Variants in ARHGEF17 observed in about 807,000 individuals in gnomAD.
The protein encoded by ARHGEF17 is Rho guanine nucleotide exchange factor 17.
In ARHGEF17, 80 loss-of-function variants were observed where a neutral mutation model predicts 174.0. The ratio of observed to expected loss-of-function variants is 0.46; its 90% CI spans 0.38 to 0.55. The LOEUF (loss-of-function observed/expected upper bound fraction) is 0.55. Ranked by LOEUF, ARHGEF17 falls within the 20% of genes least tolerant of loss-of-function variation. ARHGEF17 has a pLI of 0.00. For synonymous variants in ARHGEF17, 1,311 were observed against 1,189.1 expected (o/e 1.10, Z -2.11); for missense variants, 2,886 against 2,839.7 (o/e 1.02, Z -0.37).
At chr11:73,336,754 G>A (rs938241750) in intron 1 of ARHGEF17, among the ~76,000 whole-genome samples, 2 of 152,188 alleles carry the variant, frequency 1.3e-5, no homozygotes, top group Non-Finnish European at 2.9e-5. Flanking sequence ...TCCTCAGCTA[G>A]GCACTTCTCA....
intron 1 of ARHGEF17, among the ~76,000 whole-genome samples, chr11:73,315,633 C>T (rs2017066): frequency 0.13 from 19,812 of 152,108 alleles, 1,608 homozygotes; most frequent in African/African-American, 0.23. Context: ...AATTAAATGT[C>T]TTGTCACCCA....
At chr11:73,362,016 C>T (rs762963774) in intron 12 of ARHGEF17, 24 bp from the exon 13 acceptor site, 558 of 1,605,750 alleles carry the variant, frequency 3.5e-4, no homozygotes, top group Admixed American at 6.9e-4. Flanking sequence ...TTCACCTTCT[C>T]CTGTCCATTG....
In ARHGEF17 at chr11:73,349,539, C is replaced by T. The variant is rs187602153; in HGVS notation, c.3270+2579C>T. ...GCTGAGGCAGGAGAATAGCTTGAACCCGGGAGGCAGAGGTTGCAGCGAGCC... is the reference window on the plus strand; with the variant it reads ...GCTGAGGCAGGAGAATAGCTTGAACTCGGGAGGCAGAGGTTGCAGCGAGCC... On this transcript the variant is annotated intron_variant, in intron 2 of 20. Transcript: ENST00000263674. Among the ~76,000 whole-genome samples the T allele has an allele frequency of 6.1e-3, 924 of 152,276 alleles. 9 individuals are homozygous for T. Among genetic ancestry groups the T allele is most frequent in the Middle Eastern group, 0.027 (8 of 294 alleles).
intron 1 of ARHGEF17, among the ~76,000 whole-genome samples, chr11:73,318,387 A>G (rs1864963361): frequency 6.6e-6 from 1 of 152,168 alleles, no homozygotes; most frequent in African/African-American, 2.4e-5. Flanking sequence ...CTGTAATCCC[A>G]GCACTTTGGG....
rs1486001346 is a variant in ARHGEF17 at position 73,362,239 on chromosome 11, G to A, written c.4694G>A (p.Arg1565Gln). The part of the protein sequence containing the change: ...AVPGLQPRCH[R>Q]EPPPSLRSPP... ...CCCGGGCTGCAGCCTCGCTGCCACC[G>A]GTGAGGCCTGGGCGGCGGGGTGGGC... The change falls in exon 13 of 21, where the codon CGG becomes CAG. Residue 1565 changes from arginine to glutamine, a missense_variant and splice_region_variant. Arg to Gln is a conservative substitution (Grantham distance 43). This residue lies in a region of ARHGEF17 where 476 missense variants were observed against 473.1 expected (regional missense o/e 1.01). Coordinates refer to ENST00000263674, the MANE Select transcript of ARHGEF17 (RefSeq NM_014786.4). 1.3e-6 allele frequency: 2 copies of A among 1,531,920 alleles called. No individual in the cohort carries two copies. Among genetic ancestry groups the A allele is most frequent in the Non-Finnish European group, 1.7e-6 (2 of 1,144,042 alleles). The allele number at this position is 1,531,920 out of a possible 1,614,324, so 94.9% of individuals were successfully genotyped here. A position where few individuals can be genotyped will look rare whatever the true frequency, so the allele number is the denominator to read the frequency against.
chr11:73,334,018 T>C (rs1357050448), intron 1 of ARHGEF17, among the ~76,000 whole-genome samples: 3 of 152,256 alleles, frequency 2.0e-5, no homozygotes, highest in African/African-American at 7.2e-5. Flanking sequence ...AACTGAGCAC[T>C]TAACTGTGGG....
chr11:73,311,682 A>G lies in ARHGEF17; in HGVS notation c.3044A>G (p.His1015Arg). ...ACCAAGCAGTACATGCTGAACCTGC[A>G]CTCCGGTGAGGTCCCTGCCCCAGTG... ...DVTKQYMLNLHSGEVPAPVPV... is the reference protein window; with the variant it reads ...DVTKQYMLNLRSGEVPAPVPV... Residue 1015 changes from histidine (H) to arginine (R), a missense_variant, in exon 1 of 21, where the codon CAC becomes CGC. His to Arg is a conservative substitution (Grantham distance 29). This residue lies in a region of ARHGEF17 where 1,728 missense variants were observed against 1,461.2 expected (regional missense o/e 1.18). Coordinates refer to ENST00000263674, the MANE Select transcript of ARHGEF17 (RefSeq NM_014786.4). 1.2e-6 allele frequency: 2 copies of G among 1,613,294 alleles called. No homozygotes were observed. The highest frequency in any genetic ancestry group is 1.7e-6 in the Non-Finnish European group (2 of 1,180,010).
chr11:73,321,051 T>C (rs971785513), intron 1 of ARHGEF17, among the ~76,000 whole-genome samples: 1 of 152,156 alleles, frequency 6.6e-6, no homozygotes, highest in South Asian at 2.1e-4. Context: ...ATGACTGAGA[T>C]GCTAAGGTTT....
rs1865877761 is a variant in ARHGEF17 at position 73,368,380 on chromosome 11, C to G, written c.*600C>G. 1 of 152,332 alleles carries G rather than the reference C, an allele frequency of 6.6e-6. No homozygotes were observed. The allele number at this position is 152,332 out of a possible 1,614,324, so 9.4% of individuals were successfully genotyped here. A position where few individuals can be genotyped will look rare whatever the true frequency, so the allele number is the denominator to read the frequency against. On this transcript the variant is annotated 3_prime_UTR_variant, in exon 21 of 21. Coordinates refer to ENST00000263674, the MANE Select transcript of ARHGEF17 (RefSeq NM_014786.4). ...TCATACAGACACACACGTACGCACACTGCATGTCCAAGGCCCTAAACATTG... is the reference window on the plus strand; with the variant it reads ...TCATACAGACACACACGTACGCACAGTGCATGTCCAAGGCCCTAAACATTG...
Position 73,311,318 on chromosome 11 carries a change from C to T in ARHGEF17, c.2680C>T (p.Pro894Ser). The part of the protein sequence containing the change: ...QSERALPEAL[P>S]PPATAHRNFH... ...TGAAAGGGCCCTACCTGAGGCTCTG[C>T]CTCCCCCTGCCACTGCCCACCGAAA... The change falls in exon 1 of 21, where the codon CCT (proline) becomes TCT (serine). Residue 894 changes from proline (P) to serine (S), a missense_variant. Around this residue, in one of 4 missense-constraint regions of ARHGEF17, gnomAD observed 1,728 missense variants for 1,461.2 expected, o/e 1.18. Coordinates refer to ENST00000263674, the MANE Select transcript of ARHGEF17 (RefSeq NM_014786.4). 3 of 1,613,188 alleles carry T rather than the reference C, an allele frequency of 1.9e-6. No individual in the cohort carries two copies. Among genetic ancestry groups the T allele is most frequent in the Non-Finnish European group, 2.5e-6 (3 of 1,180,030 alleles).
At chr11:73,352,042 G>A (rs1166001808) in intron 2 of ARHGEF17, among the ~76,000 whole-genome samples, 1 of 152,044 alleles carries the variant, frequency 6.6e-6, no homozygotes, top group African/African-American at 2.4e-5. Context: ...TAAAATAATG[G>A]CTGGGCGCAG....
rs747622062 is a variant in ARHGEF17, at chr11:73,357,031, A to G, written c.3898A>G (p.Ile1300Val). The change falls in exon 8 of 21, where the codon ATC becomes GTC. Residue 1300 changes from isoleucine (I) to valine (V), a missense_variant. Ile to Val is a conservative substitution (Grantham distance 29, BLOSUM62 3). Transcript: ENST00000263674. Reference protein sequence around the residue: ...RQEMVIEVKAIGGKKDRSLFL... With the variant: ...RQEMVIEVKAVGGKKDRSLFL... ...TCTGCCTTGGGCTCCACAGAAGGCG[A>G]TCGGTGGCAAGAAGGACCGGTCTCT... 6.3e-5 allele frequency: 101 copies of G among 1,613,980 alleles called. No homozygotes were observed. Among genetic ancestry groups the G allele is most frequent in the Non-Finnish European group, 8.0e-5 (94 of 1,180,024 alleles).
At position 73,365,209 on chromosome 11, in the gene ARHGEF17, A is replaced by T. The variant is rs1214781458; in HGVS notation, c.5551-181A>T. 1.7e-5 allele frequency: 11 copies of T among 642,452 alleles called. No individual in the cohort carries two copies. Among genetic ancestry groups the T allele is most frequent in the Non-Finnish European group, 2.1e-5 (8 of 374,276 alleles). 39.8% of individuals were successfully genotyped at this position (642,452 alleles called of 1,614,324 possible). A position where few individuals can be genotyped will look rare whatever the true frequency, so the allele number is the denominator to read the frequency against. On this transcript the variant is annotated intron_variant, in intron 18 of 20. Coordinates refer to ENST00000263674, the MANE Select transcript of ARHGEF17 (RefSeq NM_014786.4). The surrounding 1 kb of genome is among the most constrained non-coding windows in gnomAD (Gnocchi z 4.9). ...AGTTTAATGGGGAAAAAGCACCTCC[A>T]TTGTAATTCCTGAGAACTAAGTTGG...
intron 1 of ARHGEF17, among the ~76,000 whole-genome samples, chr11:73,313,491 G>C (rs1864876395): frequency 6.6e-6 from 1 of 152,216 alleles, no homozygotes; most frequent in South Asian, 2.1e-4. Context: ...AAGGCTTTGA[G>C]ACCCAGAGAG....
rs185826759 is a variant in ARHGEF17 at position 73,356,435 on chromosome 11, C to T, written c.3840+84C>T. 122 of 1,463,990 alleles carry T rather than the reference C, an allele frequency of 8.3e-5. No individual in the cohort carries two copies. In the East Asian group the frequency reaches 3.0e-3, roughly 36 times the overall value. The allele number at this position is 1,463,990 out of a possible 1,614,324, so 90.7% of individuals were successfully genotyped here. A position where few individuals can be genotyped will look rare whatever the true frequency, so the allele number is the denominator to read the frequency against. On this transcript the variant is annotated intron_variant, in intron 6 of 20. Transcript: ENST00000263674. ...GGCCTCTGTGTGCATCTGTGGCCAC[C>T]TGGAATCGTGGCTGTGTCCATGTCC... is the stretch of plus-strand genomic sequence containing the variant.
chr11:73,336,458 C>T (rs1028782587), intron 1 of ARHGEF17, among the ~76,000 whole-genome samples: 1 of 152,126 alleles, frequency 6.6e-6, no homozygotes, highest in East Asian at 1.9e-4. Context: ...TAAGAGTGCA[C>T]CAGCAAGGTT....
Position 73,368,155 on chromosome 11 carries a change from C to A in ARHGEF17, c.*375C>A. 4.8e-6 allele frequency: 1 copy of A among 206,318 alleles called. No individual in the cohort carries two copies. The highest frequency in any genetic ancestry group is 9.8e-6 in the Non-Finnish European group (1 of 101,870). The allele number at this position is 206,318 out of a possible 1,614,324, so 12.8% of individuals were successfully genotyped here. On this transcript the variant is annotated 3_prime_UTR_variant, in exon 21 of 21. Transcript: ENST00000263674. ...AGGGCAGCAGGAAGGCTGGGGAATT[C>A]CCCATGTACAGTATTTATGTTTCTT... is the stretch of plus-strand genomic sequence containing the variant.
In ARHGEF17 at chr11:73,363,362, A is replaced by G; in HGVS notation, c.5153A>G (p.His1718Arg). 2 of 1,613,056 alleles carry G rather than the reference A, an allele frequency of 1.2e-6. No homozygotes were observed. Among genetic ancestry groups the G allele is most frequent in the African/African-American group, 1.3e-5 (1 of 75,036 alleles). ...MDGRALRRSSHGSFTRGSLED... is the reference protein window; with the variant it reads ...MDGRALRRSSRGSFTRGSLED... The stretch of plus-strand genomic sequence containing the variant: ...GGGAGAGCCCTTCGCCGCTCCAGCC[A>G]CGGCTCCTTCACCCGGGGCAGCCTT... Residue 1718 changes from histidine to arginine, a missense_variant, in exon 15 of 21, where the codon CAC becomes CGC. This residue lies in a region of ARHGEF17 where 476 missense variants were observed against 473.1 expected (regional missense o/e 1.01). Transcript: ENST00000263674.
chr11:73,343,927 C>T (rs1040981258), intron 1 of ARHGEF17, among the ~76,000 whole-genome samples: 2 of 152,220 alleles, frequency 1.3e-5, no homozygotes, highest in South Asian at 4.1e-4. Flanking sequence ...GCTGCGTGAC[C>T]TGGCTGCGTT....
Sources: allele counts gnomAD v4.1 joint callset (sites outside exome capture counted in the v4.1 genomes callset), GRCh38; gene constraint gnomAD v4.1.1; regional missense constraint gnomAD v4.1.1; non-coding constraint Gnocchi (gnomAD v3.1); transcripts MANE v1.5; gene names NCBI Gene and HGNC (gene_info 2026-07-23, HGNC 2026-07-21).